Variants in SMIM35 observed in about 807,000 individuals in gnomAD.
SMIM35 encodes the protein small integral membrane protein 35.
intron 1 of SMIM35, among the ~76,000 whole-genome samples, chr11:118,034,560 C>CA (rs1167673896): frequency 6.6e-6 from 1 of 152,154 alleles, no homozygotes; most frequent in Non-Finnish European, 1.5e-5. Flanking sequence ...CCCATCTCTA[C>CA]AAAAAATACA....
intron 1 of SMIM35, among the ~76,000 whole-genome samples, chr11:118,067,890 T>C (rs1481756451): frequency 1.5e-5 from 2 of 134,170 alleles, no homozygotes; most frequent in Admixed American, 7.5e-5. Flanking sequence ...TATATATATA[T>C]ATATATATAT....
intron 3 of SMIM35, among the ~76,000 whole-genome samples, chr11:118,014,423 TGG>T (rs2058167295): frequency 1.3e-5 from 2 of 151,424 alleles, no homozygotes; most frequent in Admixed American, 6.6e-5. Context: ...GATGGATGGA[TGG>T]ATGGATGAAT....
At chr11:118,043,839 T>TG (rs1452814516) in intron 1 of SMIM35, among the ~76,000 whole-genome samples, 3 of 124,550 alleles carry the variant, frequency 2.4e-5, no homozygotes, top group East Asian at 2.5e-4. Context: ...AAGTAGGTTA[T>TG]GGGGGGGCCA....
At chr11:118,034,734 T>C (rs538337584) in intron 1 of SMIM35, among the ~76,000 whole-genome samples, 3 of 151,894 alleles carry the variant, frequency 2.0e-5, no homozygotes, top group Non-Finnish European at 4.4e-5. Context: ...GTGTCCACAA[T>C]GTGAAGGGTG....
chr11:118,009,515 T>C (rs1023087034), intron 4 of SMIM35, among the ~76,000 whole-genome samples: 1 of 152,060 alleles, frequency 6.6e-6, no homozygotes, highest in Admixed American at 6.6e-5. Flanking sequence ...TGGGCCAGAC[T>C]TGGAACCTGG....
At chr11:118,058,710 C>T (rs910215502) in intron 1 of SMIM35, among the ~76,000 whole-genome samples, 2 of 152,126 alleles carry the variant, frequency 1.3e-5, no homozygotes, top group East Asian at 1.9e-4. Flanking sequence ...AGGGCTGCGG[C>T]GCAGAGCACG....
intron 1 of SMIM35, among the ~76,000 whole-genome samples, chr11:118,046,605 T>G (rs1164280010): frequency 6.6e-6 from 1 of 152,150 alleles, no homozygotes; most frequent in East Asian, 1.9e-4. Context: ...TCAGGGCAGG[T>G]ATAGAGCAGC....
intron 1 of SMIM35, among the ~76,000 whole-genome samples, chr11:118,048,026 C>G (rs762495526): frequency 6.6e-6 from 1 of 152,158 alleles, no homozygotes; most frequent in Non-Finnish European, 1.5e-5. Context: ...ATCACTGCCC[C>G]CAGAGTGGGG....
intron 1 of SMIM35, among the ~76,000 whole-genome samples, chr11:118,069,704 G>A (rs538829533): frequency 1.5e-4 from 23 of 152,300 alleles, no homozygotes; most frequent in African/African-American, 5.3e-4. Flanking sequence ...ATTAGGCCAC[G>A]AGGGCACAGT....
chr11:118,055,741 C>T lies in SMIM35; in HGVS notation c.7+31010G>A, dbSNP rs75283234. Among the ~76,000 whole-genome samples the T allele has an allele frequency of 9.0e-3, 1,372 of 152,242 alleles. 17 individuals carry two copies. The highest frequency in any genetic ancestry group is 0.03 in the African/African-American group (1,263 of 41,540). On this transcript the variant is annotated intron_variant, in intron 1 of 4. Coordinates refer to ENST00000689828, the MANE Select transcript of SMIM35 (RefSeq NM_001394165.1). Reference sequence around the variant, plus strand: ...AGGAAGTCCTCCTTGGTTATTGATTCGATAATCATATACTATTCTTTTCCT... The same window carrying T: ...AGGAAGTCCTCCTTGGTTATTGATTTGATAATCATATACTATTCTTTTCCT...
At chr11:118,059,998 G>A (rs751765104) in intron 1 of SMIM35, among the ~76,000 whole-genome samples, 5 of 152,216 alleles carry the variant, frequency 3.3e-5, no homozygotes, top group Non-Finnish European at 5.9e-5. Context: ...GGGAGTGAGT[G>A]GAGGCTGTAC....
At chr11:118,051,054 G>A (rs1944204880) in intron 1 of SMIM35, among the ~76,000 whole-genome samples, 1 of 152,230 alleles carries the variant, frequency 6.6e-6, no homozygotes, top group Non-Finnish European at 1.5e-5. Flanking sequence ...TTGTGAAGAT[G>A]TGTGAGGGAG....
rs1421710483 is a variant in SMIM35 at position 118,020,743 on chromosome 11, T to C, written c.8-4934A>G. 3.9e-5 allele frequency among the ~76,000 whole-genome samples: 6 copies of C among 152,168 alleles called. No individual in the cohort carries two copies. The South Asian group carries it at 1.0e-3, about 26-fold the overall frequency. On this transcript the variant is annotated intron_variant, in intron 1 of 4. Transcript: ENST00000689828. Reference sequence around the variant, plus strand: ...TTTCTTCTGGTCTTCCTTGGATATGTAGACTATTATATTGTCCGCAAATAA... The same window carrying C: ...TTTCTTCTGGTCTTCCTTGGATATGCAGACTATTATATTGTCCGCAAATAA...
chr11:118,060,819 C>T (rs908164130), intron 1 of SMIM35, among the ~76,000 whole-genome samples: 4 of 152,222 alleles, frequency 2.6e-5, no homozygotes, highest in Admixed American at 2.6e-4. Context: ...ATGGGTACTC[C>T]CATCATCCCT....
intron 1 of SMIM35, among the ~76,000 whole-genome samples, chr11:118,079,118 A>T (rs1412453698): frequency 7.9e-5 from 12 of 152,142 alleles, no homozygotes; most frequent in Non-Finnish European, 1.8e-4. Flanking sequence ...CCCAAAGGCA[A>T]GGCAGCAGCA....
chr11:118,049,099 C>T (rs977935613), intron 1 of SMIM35, among the ~76,000 whole-genome samples: 3 of 152,202 alleles, frequency 2.0e-5, no homozygotes, highest in South Asian at 2.1e-4. Flanking sequence ...TTAGCAGCAA[C>T]GTCAGGGGTG....
At chr11:118,054,802 AG>A in intron 1 of SMIM35, among the ~76,000 whole-genome samples, 1 of 137,562 alleles carries the variant, frequency 7.3e-6, no homozygotes, top group African/African-American at 2.7e-5. Flanking sequence ...TTATATTTTC[AG>A]GATTTTTTTT....
intron 1 of SMIM35, among the ~76,000 whole-genome samples, chr11:118,058,461 C>A (rs1002544659): frequency 6.6e-6 from 1 of 152,134 alleles, no homozygotes; most frequent in African/African-American, 2.4e-5. Context: ...GACGAGGGAC[C>A]AGCAAGCAGC....
chr11:118,047,595 T>C (rs145569135), intron 1 of SMIM35, among the ~76,000 whole-genome samples: 5 of 152,286 alleles, frequency 3.3e-5, no homozygotes, highest in South Asian at 2.1e-4. Flanking sequence ...TCCCAGACCT[T>C]AGACTGTCCT....
Sources: gnomAD v4.1 joint callset for allele counts (sites outside exome capture counted in the v4.1 genomes callset) on GRCh38, gnomAD v4.1.1 for gene constraint, MANE v1.5 for transcripts, NCBI Gene and HGNC (gene_info 2026-07-23, HGNC 2026-07-21) for gene names.